The following CAND1 variants were observed in gnomAD, a reference collection of about 807,000 sequenced individuals.
CAND1 encodes the protein cullin associated and neddylation dissociated 1, also known as cullin-associated NEDD8-dissociated protein 1.
Under a neutral mutation model 108.5 loss-of-function variants are expected in CAND1, and 7 were observed. The observed-to-expected ratio is 0.06, with a 90% CI of 0.04 to 0.12. CAND1 has a LOEUF of 0.12. Ranked by LOEUF, CAND1 falls within the 10% of genes least tolerant of loss-of-function variation. The pLI, the probability that CAND1 is intolerant of heterozygous loss-of-function variation, is 1.00. For synonymous variants in CAND1, 534 were observed against 512.0 expected (o/e 1.04, Z -0.58); for missense variants, 941 against 1,448.7 (o/e 0.65, Z 5.69).
At chr12:67,271,419 T>A (rs2044519764) in intron 1 of CAND1, among the ~76,000 whole-genome samples, 1 of 152,246 alleles carries the variant, frequency 6.6e-6, no homozygotes, top group Non-Finnish European at 1.5e-5. Context: ...TTGTGGTCAA[T>A]TTCAGTCTGA....
At chr12:67,288,639 G>A (rs184684773) in intron 2 of CAND1, among the ~76,000 whole-genome samples, 63 of 152,278 alleles carry the variant, frequency 4.1e-4, no homozygotes, top group African/African-American at 1.4e-3. Context: ...AAAGACTATT[G>A]CAATAGGCGA....
At chr12:67,273,610 A>G (rs2044543301) in intron 1 of CAND1, among the ~76,000 whole-genome samples, 1 of 151,728 alleles carries the variant, frequency 6.6e-6, no homozygotes, top group African/African-American at 2.4e-5. Context: ...CAGCCCCCAG[A>G]GTAGCTGGGA....
chr12:67,297,566 T>A lies in CAND1; in HGVS notation c.651T>A (p.His217Gln). Residue 217 changes from histidine to glutamine, a missense_variant, in exon 5 of 15, where the codon CAT (histidine) becomes CAA (glutamine). Transcript: ENST00000545606. Reference sequence around the variant, plus strand: ...TAGTTTTTGTAGATCTTATTGAACATCTGTTGTCAGAGTTGTCCAAAAATG... The same window carrying A: ...TAGTTTTTGTAGATCTTATTGAACAACTGTTGTCAGAGTTGTCCAAAAATG... Reference protein sequence around the residue: ...GNIVFVDLIEHLLSELSKNDS... With the variant: ...GNIVFVDLIEQLLSELSKNDS... 1.2e-6 allele frequency: 2 copies of A among 1,614,074 alleles called. No individual in the cohort carries two copies. The highest frequency in any genetic ancestry group is 1.7e-6 in the Non-Finnish European group (2 of 1,179,968).
intron 10 of CAND1, 61 bp downstream of exon 10, chr12:67,306,658 A>G (rs887006529): frequency 4.7e-6 from 6 of 1,272,728 alleles, no homozygotes; most frequent in Middle Eastern, 3.9e-4. Context: ...GCCTTAAAAG[A>G]CACCTAATAA....
chr12:67,277,438 T>C (rs1365547612), intron 1 of CAND1, among the ~76,000 whole-genome samples: 1 of 152,208 alleles, frequency 6.6e-6, no homozygotes, highest in Non-Finnish European at 1.5e-5. Context: ...ATATGTTTTT[T>C]TCAGAAGGCA....
intron 2 of CAND1, among the ~76,000 whole-genome samples, chr12:67,289,462 C>T (rs932558294): frequency 6.6e-6 from 1 of 152,168 alleles, no homozygotes; most frequent in South Asian, 2.1e-4. Flanking sequence ...GATCATGGCT[C>T]ACTGCAGCCT....
Position 67,295,128 on chromosome 12 carries a change from T to C in CAND1, c.463T>C (p.Leu155=), listed in dbSNP as rs1429871171. 3.1e-6 allele frequency: 5 copies of C among 1,612,578 alleles called. No homozygotes were observed. The highest frequency in any genetic ancestry group is 4.2e-6 in the Non-Finnish European group (5 of 1,179,160). Residue 155 remains leucine (L), a synonymous_variant, in exon 4 of 15, where the codon TTG becomes CTG. Coordinates refer to ENST00000545606, the MANE Select transcript of CAND1 (RefSeq NM_018448.5). ...AGATGTCTCTGTTCAGCTAGAAGCC[T>C]TGGATATTATGGCTGATATGTTGAG... is the stretch of plus-strand genomic sequence containing the variant. ...QEDVSVQLEA[L]DIMADMLSRQ... is the part of the protein sequence containing the mutation.
intron 1 of CAND1, among the ~76,000 whole-genome samples, chr12:67,273,603 C>T (rs1037379262): frequency 2.6e-5 from 4 of 151,956 alleles, no homozygotes; most frequent in South Asian, 2.1e-4. Flanking sequence ...CCCACCTCAG[C>T]CCCCAGAGTA....
At chr12:67,276,974 C>T (rs1424945137) in intron 1 of CAND1, among the ~76,000 whole-genome samples, 1 of 152,086 alleles carries the variant, frequency 6.6e-6, no homozygotes, top group Non-Finnish European at 1.5e-5. Flanking sequence ...AAAGTTAATC[C>T]TTTCTTCTGT....
intron 1 of CAND1, chr12:67,270,149 G>A (rs556555481): frequency 1.0e-3 from 210 of 201,702 alleles, no homozygotes; most frequent in African/African-American, 4.8e-3. Context: ...TAGGCCGGGA[G>A]ACCGGGCGCC....
rs2044872218 is a variant in CAND1, at chr12:67,305,496, A to C, written c.1828A>C (p.Asn610His). The C allele has an allele frequency of 6.2e-7, 1 of 1,613,872 alleles. No individual in the cohort carries two copies. Among genetic ancestry groups the C allele is most frequent in the Non-Finnish European group, 8.5e-7 (1 of 1,179,994 alleles). Residue 610 changes from asparagine (N) to histidine (H), a missense_variant, in exon 10 of 15, where the codon AAT (asparagine) becomes CAT (histidine). Around this residue, in one of 9 missense-constraint regions of CAND1, gnomAD observed 697 missense variants for 942.0 expected, o/e 0.74. Transcript: ENST00000545606. The surrounding 1 kb of genome is among the most constrained non-coding windows in gnomAD (Gnocchi z 4.4). Reference sequence around the variant, plus strand: ...AGACAATTTGGGTTCTGACTTGCCTAATACACTTCAGATTTTCTTGGAGAG... The same window carrying C: ...AGACAATTTGGGTTCTGACTTGCCTCATACACTTCAGATTTTCTTGGAGAG... ...LGDNLGSDLP[N>H]TLQIFLERLK...
At position 67,318,440 on chromosome 12, in the gene CAND1, A is replaced by C. The variant is rs972795517; in HGVS notation, c.*5610A>C. On this transcript the variant is annotated 3_prime_UTR_variant, in exon 15 of 15. Transcript: ENST00000545606. ...TGCACCTTATAGGGTTATTGTGAGG[A>C]TTAAATAGGAACATTGTATAAAGCA... 1 of 152,238 alleles carries C rather than the reference A, an allele frequency of 6.6e-6. No individual in the cohort carries two copies. Among genetic ancestry groups the C allele is most frequent in the Non-Finnish European group, 1.5e-5 (1 of 68,048 alleles). The allele number at this position is 152,238 out of a possible 1,614,324, so 9.4% of individuals were successfully genotyped here. A position where few individuals can be genotyped will look rare whatever the true frequency, so the allele number is the denominator to read the frequency against.
chr12:67,311,003 A>G (rs1339715331), intron 13 of CAND1: 1 of 152,022 alleles, frequency 6.6e-6, no homozygotes, highest in Admixed American at 6.6e-5. Flanking sequence ...AATGAAAAAT[A>G]TATGCATTGT....
At chr12:67,277,652 A>G (rs972803884) in intron 1 of CAND1, among the ~76,000 whole-genome samples, 2 of 152,208 alleles carry the variant, frequency 1.3e-5, no homozygotes, top group Admixed American at 1.3e-4. Context: ...ACAGCTGGGA[A>G]TGTATGTGTT....
At chr12:67,294,227 C>G (rs1244030385) in intron 3 of CAND1, among the ~76,000 whole-genome samples, 1 of 152,084 alleles carries the variant, frequency 6.6e-6, no homozygotes, top group African/African-American at 2.4e-5. Context: ...CATTCAGATT[C>G]TTACTTTCAC....
chr12:67,287,686 G>T (rs528849565), intron 2 of CAND1, among the ~76,000 whole-genome samples: 223 of 151,660 alleles, frequency 1.5e-3, no homozygotes, highest in African/African-American at 4.9e-3. Context: ...TATTAATTTT[G>T]TCTGTTGTCT....
At chr12:67,299,971 A>G (rs2044808213) in intron 7 of CAND1, among the ~76,000 whole-genome samples, 2 of 152,268 alleles carry the variant, frequency 1.3e-5, no homozygotes, top group South Asian at 2.1e-4. Flanking sequence ...TCTTAACACC[A>G]TATACTCCTC....
At chr12:67,281,265 G>A (rs1488616270) in intron 1 of CAND1, among the ~76,000 whole-genome samples, 1 of 151,924 alleles carries the variant, frequency 6.6e-6, no homozygotes, top group Non-Finnish European at 1.5e-5. Context: ...GGGAGGCGGA[G>A]GTTGCGGTGA....
intron 2 of CAND1, chr12:67,282,298 A>G: frequency 3.2e-6 from 1 of 314,824 alleles, no homozygotes; most frequent in Non-Finnish European, 5.8e-6. Context: ...GGGAACTCCA[A>G]AAACAATGGT....
Sources: gnomAD v4.1 joint callset for allele counts (sites outside exome capture counted in the v4.1 genomes callset) on GRCh38, gnomAD v4.1.1 for gene constraint, gnomAD v4.1.1 regional missense constraint, Gnocchi (gnomAD v3.1) non-coding constraint, MANE v1.5 for transcripts, NCBI Gene and HGNC (gene_info 2026-07-23, HGNC 2026-07-21) for gene names.